Variants in ADGRL3 observed in about 807,000 individuals in gnomAD.
The protein encoded by ADGRL3 is calcium-independent alpha-latrotoxin receptor 3.
A neutral mutation model predicts 153.5 loss-of-function variants in ADGRL3; 62 were observed. The ratio of observed to expected loss-of-function variants is 0.40; its 90% CI spans 0.33 to 0.50. The LOEUF (loss-of-function observed/expected upper bound fraction) is 0.50. ADGRL3 is among the 20% of genes least tolerant of loss of function. The probability of loss-of-function intolerance (pLI) is 0.47; values close to 1 mark genes in which losing one functional copy is unlikely to be tolerated. For missense variants in ADGRL3, 1,641 were observed against 1,859.4 expected, an observed-to-expected ratio of 0.88 and a Z score of 2.16; for synonymous variants, 710 against 672.5, an observed-to-expected ratio of 1.06 and a Z score of -0.86.
intron 2 of ADGRL3, among the ~76,000 whole-genome samples, chr4:61,418,908 A>C (rs1283464380): frequency 6.6e-6 from 1 of 150,732 alleles, no homozygotes; most frequent in African/African-American, 2.5e-5. Context: ...AAGTTAAATT[A>C]ATTTAGAAGT....
At chr4:61,878,152 G>T (rs973752237) in intron 9 of ADGRL3, among the ~76,000 whole-genome samples, 29 of 152,144 alleles carry the variant, frequency 1.9e-4, no homozygotes, top group African/African-American at 7.2e-5. Flanking sequence ...CTTTTGCTGT[G>T]TAATCTATGT....
chr4:61,787,551 C>T (rs937970684), intron 8 of ADGRL3, among the ~76,000 whole-genome samples: 3 of 152,020 alleles, frequency 2.0e-5, no homozygotes, highest in Non-Finnish European at 4.4e-5. Flanking sequence ...GGAAGAAAAC[C>T]ATCCAGTGGA....
At chr4:61,300,325 T>A (rs531391364) in intron 1 of ADGRL3, among the ~76,000 whole-genome samples, 1 of 152,290 alleles carries the variant, frequency 6.6e-6, no homozygotes, top group South Asian at 2.1e-4. Context: ...TGATTCAGGA[T>A]TAATATCAAA....
chr4:61,555,568 A>G lies in ADGRL3; in HGVS notation c.260-31659A>G, dbSNP rs115441083. Among the ~76,000 whole-genome samples the G allele has an allele frequency of 7.8e-3, 1,194 of 152,266 alleles. 19 individuals carry two copies. The highest frequency in any genetic ancestry group is 0.026 in the African/African-American group (1,092 of 41,556). On this transcript the variant is annotated intron_variant, in intron 4 of 26. Coordinates refer to ENST00000683033, the MANE Select transcript of ADGRL3 (RefSeq NM_001387552.1). ...GTAACAGACAAAATAGCCTGCCCTC[A>G]TGGGAAGGCATTTTAGTGGGAGTGT...
At chr4:61,852,503 C>G (rs994701156) in intron 9 of ADGRL3, among the ~76,000 whole-genome samples, 2 of 151,770 alleles carry the variant, frequency 1.3e-5, no homozygotes, top group African/African-American at 4.8e-5. Flanking sequence ...TTAGTAGAGA[C>G]GGGGTTTCGC....
intron 1 of ADGRL3, among the ~76,000 whole-genome samples, chr4:61,264,416 C>T (rs556137612): frequency 5.9e-5 from 9 of 151,974 alleles, no homozygotes; most frequent in Non-Finnish European, 1.3e-4. Flanking sequence ...AGGTTTTTCT[C>T]AAAGTGATTA....
rs1019976977 is a variant in ADGRL3, at chr4:61,202,938, G to C, written c.-240+1173G>C. On this transcript the variant is annotated intron_variant, in intron 1 of 26. Coordinates refer to ENST00000683033, the MANE Select transcript of ADGRL3 (RefSeq NM_001387552.1). This position sits in a 1 kb window ranked among gnomAD's most constrained non-coding sequence, Gnocchi z 5.0. ...GAGCTTGCTTATTGAAATCGCCTGG[G>C]ATCCTCTTAACTGGAAAATCTGGTT... is the stretch of plus-strand genomic sequence containing the variant. Among the ~76,000 whole-genome samples the C allele has an allele frequency of 7.2e-5, 11 of 152,170 alleles. No individual in the cohort carries two copies. The highest frequency in any genetic ancestry group is 1.6e-4 in the Non-Finnish European group (11 of 68,044).
intron 17 of ADGRL3, among the ~76,000 whole-genome samples, chr4:61,974,661 A>G (rs933911204): frequency 2.0e-5 from 3 of 152,190 alleles, no homozygotes; most frequent in African/African-American, 7.2e-5. Context: ...TACTTTGTTA[A>G]AAGTAACAAT....
intron 8 of ADGRL3, among the ~76,000 whole-genome samples, chr4:61,803,189 A>G (rs2097520212): frequency 6.6e-6 from 1 of 152,012 alleles, no homozygotes. Context: ...AAATTGATTG[A>G]GCTTGATTTT....
At position 61,342,852 on chromosome 4, in the gene ADGRL3, C is replaced by T. The variant is rs185884221; in HGVS notation, c.-239-40272C>T. ...GATTTTCCTTGTTTTAGTCTGTTCT[C>T]ATGCTGCTAATAAAGACATATCCGA... On this transcript the variant is annotated intron_variant, in intron 1 of 26. Transcript: ENST00000683033. 2.9e-4 allele frequency among the ~76,000 whole-genome samples: 44 copies of T among 152,266 alleles called. No individual in the cohort carries two copies. In the East Asian group the frequency reaches 7.9e-3, roughly 27 times the overall value.
At chr4:61,547,905 C>A (rs903006223) in intron 4 of ADGRL3, among the ~76,000 whole-genome samples, 1 of 152,054 alleles carries the variant, frequency 6.6e-6, no homozygotes, top group African/African-American at 2.4e-5. Flanking sequence ...TCTGCAACCT[C>A]CCCAGCATGT....
intron 9 of ADGRL3, among the ~76,000 whole-genome samples, chr4:61,821,898 G>A (rs945569993): frequency 6.6e-6 from 1 of 152,156 alleles, no homozygotes; most frequent in Non-Finnish European, 1.5e-5. Flanking sequence ...GAAATAGGCT[G>A]TAGCCAAAGA....
At chr4:62,004,376 G>A (rs953898850) in intron 21 of ADGRL3, among the ~76,000 whole-genome samples, 19 of 151,918 alleles carry the variant, frequency 1.3e-4, no homozygotes, top group Admixed American at 2.6e-4. Flanking sequence ...GAGTTGTATA[G>A]TAAATAAAAA....
chr4:62,020,946 C>T (rs1418724871), intron 21 of ADGRL3, among the ~76,000 whole-genome samples: 23 of 152,002 alleles, frequency 1.5e-4, no homozygotes, highest in African/African-American at 4.8e-4. Flanking sequence ...ATTTACTAAA[C>T]TTAAACTAAT....
intron 5 of ADGRL3, among the ~76,000 whole-genome samples, chr4:61,657,078 T>C (rs1476549874): frequency 6.6e-6 from 1 of 152,190 alleles, no homozygotes; most frequent in Non-Finnish European, 1.5e-5. Flanking sequence ...TTAAAATGCT[T>C]GAAATACAGT....
intron 2 of ADGRL3, among the ~76,000 whole-genome samples, chr4:61,470,040 G>T (rs1053581582): frequency 2.6e-5 from 4 of 151,852 alleles, no homozygotes; most frequent in Admixed American, 6.6e-5. Flanking sequence ...AATAAGGTGG[G>T]CTAATTTAAA....
chr4:61,642,853 C>A (rs2093752277), intron 5 of ADGRL3, among the ~76,000 whole-genome samples: 1 of 152,106 alleles, frequency 6.6e-6, no homozygotes, highest in African/African-American at 2.4e-5. Flanking sequence ...ATGGGGATGG[C>A]ATTGAATCTG....
intron 2 of ADGRL3, among the ~76,000 whole-genome samples, chr4:61,439,427 G>C (rs1289336496): frequency 6.6e-6 from 1 of 152,152 alleles, no homozygotes; most frequent in Non-Finnish European, 1.5e-5. Flanking sequence ...CTCTTGCTAA[G>C]AAAACAGATG....
intron 1 of ADGRL3, among the ~76,000 whole-genome samples, chr4:61,275,949 C>A (rs763593290): frequency 2.6e-5 from 4 of 152,164 alleles, no homozygotes; most frequent in Non-Finnish European, 5.9e-5. Flanking sequence ...AGCTCAGACT[C>A]TGTAGCACAG....
Sources: allele counts gnomAD v4.1 joint callset (sites outside exome capture counted in the v4.1 genomes callset), GRCh38; gene constraint gnomAD v4.1.1; non-coding constraint Gnocchi (gnomAD v3.1); transcripts MANE v1.5; gene names NCBI Gene and HGNC (gene_info 2026-07-23, HGNC 2026-07-21).